The following BRINP3 variants were observed in gnomAD, a reference collection of about 807,000 sequenced individuals.
BRINP3 encodes the protein BMP/retinoic acid inducible neural specific 3.
Under a neutral mutation model 71.0 loss-of-function variants are expected in BRINP3, and 19 were observed. The ratio of observed to expected loss-of-function variants is 0.27; its 90% CI spans 0.19 to 0.39. The LOEUF is 0.39. BRINP3 is among the 10% of genes least tolerant of loss of function. BRINP3 has a pLI of 1.00. For synonymous variants in BRINP3, 380 were observed against 337.7 expected (o/e 1.13, Z -1.37); for missense variants, 959 against 940.8 (o/e 1.02, Z -0.25).
intron 7 of BRINP3, among the ~76,000 whole-genome samples, chr1:190,139,451 C>CAAAAAA (rs11315431): frequency 4.6e-5 from 4 of 87,588 alleles, no homozygotes; most frequent in Non-Finnish European, 4.7e-5. Context: ...GACTCTGTCT[C>CAAAAAA]AAAAAAAAAA....
At chr1:190,296,473 G>GA (rs1664263160) in intron 2 of BRINP3, among the ~76,000 whole-genome samples, 1 of 152,010 alleles carries the variant, frequency 6.6e-6, no homozygotes, top group Non-Finnish European at 1.5e-5. Context: ...ACTCAATGGT[G>GA]AAAAATGAAA....
intron 2 of BRINP3, among the ~76,000 whole-genome samples, chr1:190,283,147 C>T (rs1300056274): frequency 6.6e-6 from 1 of 151,962 alleles, no homozygotes; most frequent in Admixed American, 6.6e-5. Flanking sequence ...CTAGGGAAGA[C>T]TTTGGCCTGA....
At chr1:190,405,342 T>A (rs1201850512) in intron 2 of BRINP3, among the ~76,000 whole-genome samples, 1 of 150,986 alleles carries the variant, frequency 6.6e-6, no homozygotes, top group Non-Finnish European at 1.5e-5. Flanking sequence ...TCCCAGCTAC[T>A]CGGGAGGCTG....
intron 6 of BRINP3, among the ~76,000 whole-genome samples, chr1:190,182,971 T>C (rs1178312383): frequency 1.3e-5 from 2 of 152,110 alleles, no homozygotes; most frequent in African/African-American, 4.8e-5. Flanking sequence ...CTGTGGGTCC[T>C]TCAAGTAAAT....
chr1:190,191,186 C>T (rs1056514899), intron 6 of BRINP3, among the ~76,000 whole-genome samples: 17 of 152,070 alleles, frequency 1.1e-4, no homozygotes, highest in African/African-American at 4.1e-4. Flanking sequence ...TCTTCTCAGA[C>T]TTAGGTACAT....
At chr1:190,259,100 C>T (rs1660937775) in intron 4 of BRINP3, among the ~76,000 whole-genome samples, 1 of 151,890 alleles carries the variant, frequency 6.6e-6, no homozygotes, top group African/African-American at 2.4e-5. Flanking sequence ...TCTTCATAAA[C>T]TCTTTCACAA....
chr1:190,205,826 T>C (rs1368530587), intron 6 of BRINP3, among the ~76,000 whole-genome samples: 1 of 151,992 alleles, frequency 6.6e-6, no homozygotes, highest in Non-Finnish European at 1.5e-5. Context: ...TCCAAACCCG[T>C]AACAAAGATA....
chr1:190,385,839 C>A (rs1452556691), intron 2 of BRINP3, among the ~76,000 whole-genome samples: 2 of 149,670 alleles, frequency 1.3e-5, no homozygotes, highest in Non-Finnish European at 3.0e-5. Context: ...CCCAAATGTC[C>A]AACAATGATA....
intron 7 of BRINP3, among the ~76,000 whole-genome samples, chr1:190,148,636 TAAATA>T (rs1656115899): frequency 6.7e-6 from 1 of 148,714 alleles, no homozygotes; most frequent in African/African-American, 2.5e-5. Flanking sequence ...AATAAATAAA[TAAATA>T]AATAAATAAA....
chr1:190,193,037 A>G (rs1383843392), intron 6 of BRINP3, among the ~76,000 whole-genome samples: 2 of 152,172 alleles, frequency 1.3e-5, no homozygotes, highest in Non-Finnish European at 2.9e-5. Context: ...ACAGAAAGTA[A>G]AGATGAATGA....
intron 7 of BRINP3, among the ~76,000 whole-genome samples, chr1:190,099,425 C>G (rs1357085471): frequency 1.3e-5 from 2 of 152,052 alleles, no homozygotes; most frequent in Admixed American, 1.3e-4. Context: ...GTGATATCTT[C>G]TAAAGACATT....
At chr1:190,279,349 A>G (rs1400219580) in intron 3 of BRINP3, among the ~76,000 whole-genome samples, 1 of 151,918 alleles carries the variant, frequency 6.6e-6, no homozygotes, top group East Asian at 1.9e-4. Context: ...TATACCACAC[A>G]CTGTGCTAAG....
At chr1:190,367,015 G>T (rs1051934540) in intron 2 of BRINP3, among the ~76,000 whole-genome samples, 2 of 152,104 alleles carry the variant, frequency 1.3e-5, no homozygotes, top group African/African-American at 4.8e-5. Flanking sequence ...GCTGTCAGTG[G>T]AGCTACCATT....
chr1:190,322,484 CAT>C (rs1666308240), intron 2 of BRINP3, among the ~76,000 whole-genome samples: 1 of 151,954 alleles, frequency 6.6e-6, no homozygotes, highest in South Asian at 2.1e-4. Context: ...TGCGTATACA[CAT>C]GATTGAGTAC....
intron 2 of BRINP3, among the ~76,000 whole-genome samples, chr1:190,377,851 T>C (rs772286204): frequency 6.6e-6 from 1 of 151,938 alleles, no homozygotes; most frequent in Non-Finnish European, 1.5e-5. Flanking sequence ...GTACAAAATA[T>C]TGCCGAAAGA....
chr1:190,208,589 G>T (rs902756289), intron 6 of BRINP3, among the ~76,000 whole-genome samples: 1 of 151,904 alleles, frequency 6.6e-6, no homozygotes, highest in East Asian at 1.9e-4. Context: ...TCTGTCTCCC[G>T]GTTCAAGCGT....
At chr1:190,121,023 C>A (rs1444404903) in intron 7 of BRINP3, among the ~76,000 whole-genome samples, 1 of 152,084 alleles carries the variant, frequency 6.6e-6, no homozygotes, top group Non-Finnish European at 1.5e-5. Flanking sequence ...AGAAAGATAT[C>A]TTTTGGTATA....
chr1:190,220,489 A>G (rs1381681424), intron 6 of BRINP3, among the ~76,000 whole-genome samples: 5 of 152,214 alleles, frequency 3.3e-5, no homozygotes. Flanking sequence ...GTGTATACCT[A>G]TGTAACAAAA....
At chr1:190,182,360 CTATT>C (rs1200273269) in intron 6 of BRINP3, among the ~76,000 whole-genome samples, 2 of 152,002 alleles carry the variant, frequency 1.3e-5, no homozygotes, top group Non-Finnish European at 2.9e-5. Context: ...TCCCCAGGCT[CTATT>C]TATTTTCTTT....
Sources: allele counts gnomAD v4.1 joint callset (sites outside exome capture counted in the v4.1 genomes callset), GRCh38; gene constraint gnomAD v4.1.1; transcripts MANE v1.5; gene names NCBI Gene and HGNC (gene_info 2026-07-23, HGNC 2026-07-21).